The following PRKAG2 variants were observed in gnomAD, a reference collection of about 807,000 sequenced individuals.
PRKAG2 encodes the protein protein kinase AMP-activated non-catalytic subunit gamma 2.
PRKAG2 carries 26 observed loss-of-function variants against 69.6 expected under a neutral mutation model. That is an observed-to-expected ratio of 0.37 (90% CI 0.27 to 0.52). PRKAG2 has a LOEUF of 0.52. Ranked by LOEUF, PRKAG2 falls within the 20% of genes least tolerant of loss-of-function variation. The probability of loss-of-function intolerance (pLI) is 0.90; values close to 1 mark genes in which losing one functional copy is unlikely to be tolerated. For missense variants in PRKAG2, 557 were observed against 740.0 expected, an observed-to-expected ratio of 0.75 and a Z score of 2.87; for synonymous variants, 293 against 285.0, an observed-to-expected ratio of 1.03 and a Z score of -0.28.
intron 1 of PRKAG2, among the ~76,000 whole-genome samples, chr7:151,871,443 C>T (rs780177600): frequency 2.6e-5 from 4 of 152,190 alleles, no homozygotes; most frequent in African/African-American, 9.7e-5. Context: ...TAGAATGTGC[C>T]GTCAGTCCTT....
chr7:151,624,180 ATT>A (rs1554501993), intron 5 of PRKAG2, among the ~76,000 whole-genome samples: 2 of 129,878 alleles, frequency 1.5e-5, no homozygotes, highest in Non-Finnish European at 3.3e-5. Flanking sequence ...ATATATATAT[ATT>A]TTTTTTTTCA....
chr7:151,560,554 T>G lies in PRKAG2; in HGVS notation c.1648A>C (p.Ile550Leu), dbSNP rs752198913. Residue 550 changes from isoleucine (I) to leucine (L), a missense_variant, in exon 15 of 16, where the codon ATT becomes CTT. Around this residue, in one of 2 missense-constraint regions of PRKAG2, gnomAD observed 205 missense variants for 383.4 expected, o/e 0.53. Coordinates refer to ENST00000287878, the MANE Select transcript of PRKAG2 (RefSeq NM_016203.4). The stretch of plus-strand genomic sequence containing the variant: ...GGTGTGAGGATCAGGGCTTGCAGAA[T>G]GTCCGACAGGGAAATAATACCCACA... ...SIVGIISLSD[I>L]LQALILTPAG... is the part of the protein sequence containing the mutation. The G allele has an allele frequency of 6.2e-6, 10 of 1,614,138 alleles. No individual in the cohort carries two copies. The highest frequency in any genetic ancestry group is 7.6e-6 in the Non-Finnish European group (9 of 1,179,988).
At chr7:151,727,158 T>C (rs1279564777) in intron 3 of PRKAG2, among the ~76,000 whole-genome samples, 1 of 151,626 alleles carries the variant, frequency 6.6e-6, no homozygotes, top group Non-Finnish European at 1.5e-5. Context: ...GAGGTTACAG[T>C]GAGCCAAGAT....
chr7:151,735,251 G>A (rs1799588207), intron 3 of PRKAG2, among the ~76,000 whole-genome samples: 1 of 152,108 alleles, frequency 6.6e-6, no homozygotes, highest in Non-Finnish European at 1.5e-5. Context: ...GACCTGTGTG[G>A]CTGCAGACAG....
At position 151,814,613 on chromosome 7, in the gene PRKAG2, G is replaced by A. The variant is rs1244866688; in HGVS notation, c.115-28072C>T. ...TCAGCACAGGCAATTTCTAGGGTTC[G>A]GCTGTGCTCCGAGCTGCTGCCACTG... On this transcript the variant is annotated intron_variant, in intron 1 of 15. Coordinates refer to ENST00000287878, the MANE Select transcript of PRKAG2 (RefSeq NM_016203.4). The surrounding 1 kb of genome is among the most constrained non-coding windows in gnomAD (Gnocchi z 4.8). 3.0e-5 allele frequency: 37 copies of A among 1,231,794 alleles called. No individual in the cohort carries two copies. The highest frequency in any genetic ancestry group is 3.5e-5 in the Non-Finnish European group (35 of 988,012). 76.3% of individuals were successfully genotyped at this position (1,231,794 alleles called of 1,614,324 possible).
intron 6 of PRKAG2, among the ~76,000 whole-genome samples, chr7:151,594,585 TTTC>T (rs895612662): frequency 9.2e-5 from 14 of 152,270 alleles, no homozygotes; most frequent in African/African-American, 3.4e-4. Flanking sequence ...TTTTTGTGAT[TTTC>T]TTCTTTTTTA....
At chr7:151,797,227 A>AC (rs55815832) in intron 1 of PRKAG2, among the ~76,000 whole-genome samples, 26 of 132,956 alleles carry the variant, frequency 2.0e-4, no homozygotes, top group South Asian at 5.0e-4. Flanking sequence ...GCTTCTTGCC[A>AC]CCCCCCCCAC....
intron 5 of PRKAG2, among the ~76,000 whole-genome samples, chr7:151,600,765 C>T (rs1374308234): frequency 3.3e-5 from 5 of 152,160 alleles, no homozygotes; most frequent in Non-Finnish European, 7.3e-5. Context: ...TAAACGTCCT[C>T]CTCCTTGACT....
At chr7:151,660,077 C>A (rs1830093156) in intron 4 of PRKAG2, among the ~76,000 whole-genome samples, 1 of 152,150 alleles carries the variant, frequency 6.6e-6, no homozygotes, top group Non-Finnish European at 1.5e-5. Context: ...GTTATTTCCA[C>A]AATTCATTCC....
intron 1 of PRKAG2, among the ~76,000 whole-genome samples, chr7:151,824,452 C>T (rs1316462032): frequency 6.6e-6 from 1 of 152,166 alleles, no homozygotes; most frequent in Admixed American, 6.5e-5. Flanking sequence ...TGAATGGTAT[C>T]GACTGATACT....
chr7:151,608,498 C>T (rs6464150), intron 5 of PRKAG2, among the ~76,000 whole-genome samples: 7,951 of 152,164 alleles, frequency 0.052, 703 homozygotes, highest in African/African-American at 0.18. Flanking sequence ...CAGCAGTGGA[C>T]GTCCCTTGCT....
chr7:151,706,361 AG>A (rs1838601407), intron 3 of PRKAG2, among the ~76,000 whole-genome samples: 1 of 152,222 alleles, frequency 6.6e-6, no homozygotes, highest in Non-Finnish European at 1.5e-5. Flanking sequence ...CAGGACTGGG[AG>A]GTCAGGCTCC....
Position 151,786,519 on chromosome 7 carries a change from G to A in PRKAG2, c.137C>T (p.Pro46Leu), listed in dbSNP as rs373477232. ...ACCCTCCAGGTCTCCGTCCAGGAGC[G>A]GCATGGCGAAGGAGCTCAGGTCCTA... ...HIPDLSSFAMPLLDGDLEGSG... is the reference protein window; with the variant it reads ...HIPDLSSFAMLLLDGDLEGSG... Residue 46 changes from proline (P) to leucine (L), a missense_variant, in exon 2 of 16, where the codon CCG becomes CTG. Pro to Leu is a moderately conservative substitution (Grantham distance 98). Coordinates refer to ENST00000287878, the MANE Select transcript of PRKAG2 (RefSeq NM_016203.4). The A allele has an allele frequency of 3.7e-6, 6 of 1,612,828 alleles. No homozygotes were observed. Among genetic ancestry groups the A allele is most frequent in the African/African-American group, 1.3e-5 (1 of 74,924 alleles).
intron 1 of PRKAG2, among the ~76,000 whole-genome samples, chr7:151,855,221 ACGCTCCACACACACCG>A (rs2079708134): frequency 5.5e-4 from 2 of 3,624 alleles, no homozygotes; most frequent in Non-Finnish European, 5.2e-4. Context: ...CACACACACC[ACGCTCCACACACACCG>A]CCCTCCACAC....
chr7:151,858,486 T>C (rs945925640), intron 1 of PRKAG2, among the ~76,000 whole-genome samples: 1 of 152,190 alleles, frequency 6.6e-6, no homozygotes, highest in Non-Finnish European at 1.5e-5. Flanking sequence ...TTGGACTAGG[T>C]AAGCCTCAGT....
chr7:151,761,486 C>G (rs188742993), intron 3 of PRKAG2, among the ~76,000 whole-genome samples: 2 of 152,314 alleles, frequency 1.3e-5, no homozygotes, highest in Admixed American at 6.5e-5. Flanking sequence ...CACCACCCAA[C>G]CAGTCCTGTG....
intron 1 of PRKAG2, among the ~76,000 whole-genome samples, chr7:151,872,903 G>A (rs1325822080): frequency 1.3e-5 from 2 of 152,226 alleles, no homozygotes; most frequent in African/African-American, 2.4e-5. Flanking sequence ...GGGTCCTCAC[G>A]CCTTAGGCCT....
At chr7:151,803,121 C>G (rs1355473791) in intron 1 of PRKAG2, among the ~76,000 whole-genome samples, 1 of 151,896 alleles carries the variant, frequency 6.6e-6, no homozygotes, top group Non-Finnish European at 1.5e-5. Context: ...CCATGCCCAG[C>G]TAATTTTTGT....
At chr7:151,796,245 C>T (rs141763065) in intron 1 of PRKAG2, among the ~76,000 whole-genome samples, 324 of 152,158 alleles carry the variant, frequency 2.1e-3, no homozygotes, top group Non-Finnish European at 3.5e-3. Context: ...GCTCAGTCAT[C>T]GGGTGGGCTC....
Sources: allele counts gnomAD v4.1 joint callset (sites outside exome capture counted in the v4.1 genomes callset), GRCh38; gene constraint gnomAD v4.1.1; regional missense constraint gnomAD v4.1.1; non-coding constraint Gnocchi (gnomAD v3.1); transcripts MANE v1.5; gene names NCBI Gene and HGNC (gene_info 2026-07-23, HGNC 2026-07-21).